The following HUNK variants were observed in gnomAD, a reference collection of about 807,000 sequenced individuals.
HUNK encodes the protein hormonally up-regulated neu tumor-associated kinase.
HUNK carries 21 observed loss-of-function variants against 61.0 expected under a neutral mutation model. The observed-to-expected ratio is 0.34, with a 90% CI of 0.24 to 0.50. The LOEUF (loss-of-function observed/expected upper bound fraction) is 0.50, where lower values mean the gene tolerates loss of function less well. Ranked by LOEUF, HUNK falls within the 20% of genes least tolerant of loss-of-function variation. The probability of loss-of-function intolerance (pLI) is 0.98; values close to 1 mark genes in which losing one functional copy is unlikely to be tolerated. For missense variants in HUNK, 772 were observed against 945.7 expected (o/e 0.82, Z 2.41); for synonymous variants, 371 against 386.1 (o/e 0.96, Z 0.46).
chr21:31,892,160 AAAATATAT>A (rs1158725747), intron 1 of HUNK, among the ~76,000 whole-genome samples: 1 of 110,408 alleles, frequency 9.1e-6, no homozygotes, highest in East Asian at 2.6e-4. Flanking sequence ...AAAAAAAAAA[AAAATATAT>A]ATATATATAT....
At chr21:31,946,308 C>A in intron 4 of HUNK, 137 bp downstream of exon 4, 1 of 861,250 alleles carries the variant, frequency 1.2e-6, no homozygotes, top group Non-Finnish European at 1.7e-6. Context: ...TTCTTTGGGG[C>A]CTGGCTTTCC....
intron 8 of HUNK, among the ~76,000 whole-genome samples, chr21:31,986,878 T>C (rs2053137137): frequency 6.6e-6 from 1 of 152,174 alleles, no homozygotes; most frequent in East Asian, 1.9e-4. Context: ...CCTATCTGCC[T>C]ACCACGTTCT....
At chr21:31,901,683 T>C (rs2052468964) in intron 1 of HUNK, among the ~76,000 whole-genome samples, 2 of 152,200 alleles carry the variant, frequency 1.3e-5, no homozygotes, top group South Asian at 4.1e-4. Context: ...ACTATGATGC[T>C]CAGGTGTAGT....
At chr21:31,971,454 A>C (rs2053010359) in intron 6 of HUNK, among the ~76,000 whole-genome samples, 2 of 151,786 alleles carry the variant, frequency 1.3e-5, no homozygotes, top group Admixed American at 6.6e-5. Context: ...TCTTTAAGAC[A>C]AAAAAAATGT....
rs185550880 is a variant in HUNK at position 31,880,369 on chromosome 21, A to C, written c.261+6434A>C. Among the ~76,000 whole-genome samples the C allele has an allele frequency of 6.6e-5, 10 of 152,288 alleles. No individual in the cohort carries two copies. In the East Asian group the frequency reaches 1.9e-3, roughly 29 times the overall value. ...CAACAACAGAAATTTATTCTGTCACAGTTCTGGAGGCTAGGATCCAAAACC... is the reference window on the plus strand; with the variant it reads ...CAACAACAGAAATTTATTCTGTCACCGTTCTGGAGGCTAGGATCCAAAACC... On this transcript the variant is annotated intron_variant, in intron 1 of 10. Coordinates refer to ENST00000270112, the MANE Select transcript of HUNK (RefSeq NM_014586.2).
chr21:31,879,840 G>A (rs1352776399), intron 1 of HUNK, among the ~76,000 whole-genome samples: 1 of 152,162 alleles, frequency 6.6e-6, no homozygotes, highest in Non-Finnish European at 1.5e-5. Context: ...TCCCTCTGTC[G>A]ATTATTTATG....
intron 2 of HUNK, among the ~76,000 whole-genome samples, chr21:31,931,964 CA>C: frequency 6.6e-6 from 1 of 152,248 alleles, no homozygotes; most frequent in East Asian, 1.9e-4. Context: ...ACACAGGGTG[CA>C]CGCTGACACA....
chr21:31,931,253 C>T (rs903413997), intron 2 of HUNK, among the ~76,000 whole-genome samples: 1 of 152,034 alleles, frequency 6.6e-6, no homozygotes, highest in African/African-American at 2.4e-5. Flanking sequence ...TCTATCCTTC[C>T]CTGGGCCCCT....
chr21:31,895,242 C>T (rs1442569200), intron 1 of HUNK, among the ~76,000 whole-genome samples: 3 of 152,158 alleles, frequency 2.0e-5, no homozygotes, highest in Admixed American at 6.5e-5. Flanking sequence ...GACCTGTGAA[C>T]TTTGTGTCTC....
chr21:31,904,940 C>A (rs189364146), intron 1 of HUNK, among the ~76,000 whole-genome samples: 1 of 151,886 alleles, frequency 6.6e-6, no homozygotes. Flanking sequence ...GTAGCCAGCA[C>A]GGTGGTGCAC....
Position 32,000,133 on chromosome 21 carries a change from C to T in HUNK, c.*949C>T, listed in dbSNP as rs2833598. 85,172 of 398,308 alleles carry T rather than the reference C, an allele frequency of 0.21. 10,047 individuals are homozygous for T. Among genetic ancestry groups the T allele is most frequent in the East Asian group, 0.37 (10,356 of 28,010 alleles). 24.7% of individuals were successfully genotyped at this position (398,308 alleles called of 1,614,324 possible). On this transcript the variant is annotated 3_prime_UTR_variant, in exon 11 of 11. Transcript: ENST00000270112. ...GCATAGAACACGGTTACAGCTGGTTCTGTAGAAAGAGGGAAAAGATGATTG... is the reference window on the plus strand; with the variant it reads ...GCATAGAACACGGTTACAGCTGGTTTTGTAGAAAGAGGGAAAAGATGATTG...
chr21:31,902,501 A>G (rs1479677805), intron 1 of HUNK, among the ~76,000 whole-genome samples: 1 of 150,980 alleles, frequency 6.6e-6, no homozygotes, highest in Admixed American at 6.6e-5. Context: ...CAAAAGCAAA[A>G]CTCTATCTCC....
chr21:31,977,898 A>G (rs1347032688), intron 7 of HUNK, among the ~76,000 whole-genome samples: 1 of 152,142 alleles, frequency 6.6e-6, no homozygotes, highest in Non-Finnish European at 1.5e-5. Context: ...GGCTTTCGCC[A>G]TGTTGCCCAG....
At chr21:31,893,234 G>A (rs181433690) in intron 1 of HUNK, among the ~76,000 whole-genome samples, 1 of 152,022 alleles carries the variant, frequency 6.6e-6, no homozygotes, top group Admixed American at 6.6e-5. Context: ...TGGGGGTGGT[G>A]GCAATCCGTT....
At chr21:31,998,321 A>G (rs1568945502) in intron 10 of HUNK, among the ~76,000 whole-genome samples, 2 of 152,144 alleles carry the variant, frequency 1.3e-5, no homozygotes, top group Non-Finnish European at 2.9e-5. Flanking sequence ...CTGTCCCTCC[A>G]TCCTAGGAAG....
chr21:31,964,531 A>G, intron 5 of HUNK, among the ~76,000 whole-genome samples: 1 of 152,198 alleles, frequency 6.6e-6, no homozygotes, highest in East Asian at 1.9e-4. Flanking sequence ...TCCAGGCTTC[A>G]GTGGAGAACC....
intron 4 of HUNK, among the ~76,000 whole-genome samples, chr21:31,948,029 A>G (rs2052821678): frequency 6.6e-6 from 1 of 152,196 alleles, no homozygotes; most frequent in Admixed American, 6.5e-5. Context: ...ACCCAGTGCA[A>G]TCATTACTCT....
intron 1 of HUNK, among the ~76,000 whole-genome samples, chr21:31,910,985 AT>A (rs1241876038): frequency 4.6e-5 from 7 of 152,084 alleles, no homozygotes; most frequent in African/African-American, 7.2e-5. Flanking sequence ...TTTGTGAATT[AT>A]TTTCCCCAAC....
Position 32,000,418 on chromosome 21 carries a change from G to T in HUNK, c.*1234G>T, listed in dbSNP as rs1185981479. On this transcript the variant is annotated 3_prime_UTR_variant, in exon 11 of 11. Coordinates refer to ENST00000270112, the MANE Select transcript of HUNK (RefSeq NM_014586.2). ...GGATCGAACCAAAGATGTGTCTCCA[G>T]TATTGTGTCTGTGCCCCTGTGTGTG... is the stretch of plus-strand genomic sequence containing the variant. 2.3e-5 allele frequency: 9 copies of T among 399,040 alleles called. No individual in the cohort carries two copies. Among genetic ancestry groups the T allele is most frequent in the Non-Finnish European group, 3.5e-5 (8 of 226,138 alleles). 24.7% of individuals were successfully genotyped at this position (399,040 alleles called of 1,614,324 possible).
Sources: allele counts gnomAD v4.1 joint callset (sites outside exome capture counted in the v4.1 genomes callset), GRCh38; gene constraint gnomAD v4.1.1; transcripts MANE v1.5; gene names NCBI Gene and HGNC (gene_info 2026-07-23, HGNC 2026-07-21).